Variants in PSMF1 observed in about 807,000 individuals in gnomAD.
The protein encoded by PSMF1 is proteasome inhibitor subunit 1.
A neutral mutation model predicts 29.3 loss-of-function variants in PSMF1; 30 were observed. The ratio of observed to expected loss-of-function variants is 1.02; its 90% confidence interval spans 0.77 to 1.39. The LOEUF (loss-of-function observed/expected upper bound fraction) is 1.39, where lower values mean the gene tolerates loss of function less well. Among genes scored for constraint, PSMF1 ranks in the 40% most tolerant of loss-of-function variants. The probability of loss-of-function intolerance (pLI) is 0.00; values close to 1 mark genes in which losing one functional copy is unlikely to be tolerated. For synonymous variants in PSMF1, 134 were observed against 139.7 expected, an observed-to-expected ratio of 0.96 and a Z score of 0.29; for missense variants, 344 against 357.5, an observed-to-expected ratio of 0.96 and a Z score of 0.31.
rs2086722304 is a variant in PSMF1 at position 1,165,791 on chromosome 20, G to A, written c.*711G>A. 9.7e-7 allele frequency: 1 copy of A among 1,028,968 alleles called. No homozygotes were observed. The highest frequency in any genetic ancestry group is 1.2e-6 in the Non-Finnish European group (1 of 855,638). The allele number at this position is 1,028,968 out of a possible 1,614,324, so 63.7% of individuals were successfully genotyped here. A position where few individuals can be genotyped will look rare whatever the true frequency, so the allele number is the denominator to read the frequency against. On this transcript the variant is annotated 3_prime_UTR_variant, in exon 7 of 7. Transcript: ENST00000335877. ...AGCTATTCCTGTCTGGGCCAGTTTT[G>A]TAGGTCCATCTGTGCATGGGCAGCA...
At chr20:1,160,273 C>G (rs1568482722) in intron 4 of PSMF1, among the ~76,000 whole-genome samples, 2 of 152,054 alleles carry the variant, frequency 1.3e-5, no homozygotes, top group Non-Finnish European at 2.9e-5. Context: ...GTACTTAACA[C>G]TAGAGCATGA....
intron 4 of PSMF1, among the ~76,000 whole-genome samples, chr20:1,153,249 C>T (rs2086553557): frequency 6.6e-6 from 1 of 152,158 alleles, no homozygotes; most frequent in Non-Finnish European, 1.5e-5. Context: ...CTTAAAACTG[C>T]ACCCACTTAT....
rs1390668938 is a variant in PSMF1 at position 1,165,603 on chromosome 20, C to T, written c.*523C>T. On this transcript the variant is annotated 3_prime_UTR_variant, in exon 7 of 7. Coordinates refer to ENST00000335877, the MANE Select transcript of PSMF1 (RefSeq NM_006814.5). ...CCATTCTTGCTTCTCAGGCACCTTC[C>T]GTTTATTAATTGCCATTGCTCCTGA... The T allele has an allele frequency of 1.7e-5, 17 of 994,590 alleles. No individual in the cohort carries two copies. Among genetic ancestry groups the T allele is most frequent in the Admixed American group, 5.6e-5 (1 of 18,014 alleles). 61.6% of individuals were successfully genotyped at this position (994,590 alleles called of 1,614,324 possible).
At chr20:1,148,090 G>A (rs2086478780) in intron 4 of PSMF1, among the ~76,000 whole-genome samples, 1 of 152,192 alleles carries the variant, frequency 6.6e-6, no homozygotes, top group Admixed American at 6.5e-5. Flanking sequence ...ACTAAAGTTG[G>A]AATTGTCTGC....
In PSMF1 at chr20:1,163,572, A is replaced by G. The variant is rs888787282; in HGVS notation, c.605+389A>G. On this transcript the variant is annotated intron_variant, in intron 5 of 6. Coordinates refer to ENST00000335877, the MANE Select transcript of PSMF1 (RefSeq NM_006814.5). This position sits in a 1 kb window ranked among gnomAD's most constrained non-coding sequence, Gnocchi z 6.1. ...ATTAGACTCTGGATGGTTCTTATGC[A>G]TCCAACAAAGTTACTACAGCCTCTG... 6.6e-6 allele frequency among the ~76,000 whole-genome samples: 1 copy of G among 152,242 alleles called. No individual in the cohort carries two copies. The highest frequency in any genetic ancestry group is 2.4e-5 in the African/African-American group (1 of 41,460).
In PSMF1 at chr20:1,135,117, G is replaced by A. The variant is rs879239566; in HGVS notation, c.366-4G>A. 4 of 1,614,014 alleles carry A rather than the reference G, an allele frequency of 2.5e-6. No homozygotes were observed. The highest frequency in any genetic ancestry group is 1.3e-5 in the African/African-American group (1 of 74,922). ...GCAGTTGACTCTTCATCTGCTTCCT[G>A]CAGGACCTACAAGAACAGTGAGGAG... is the stretch of plus-strand genomic sequence containing the variant. On this transcript the variant is annotated splice_region_variant and splice_polypyrimidine_tract_variant and intron_variant, in intron 3 of 6. Transcript: ENST00000335877.
chr20:1,121,957 T>C (rs2086093340), intron 1 of PSMF1, among the ~76,000 whole-genome samples: 1 of 152,232 alleles, frequency 6.6e-6, no homozygotes. Flanking sequence ...TTTTGTTTTC[T>C]GTTGTGGGAA....
intron 4 of PSMF1, among the ~76,000 whole-genome samples, chr20:1,149,765 G>T (rs557747190): frequency 6.6e-6 from 1 of 152,364 alleles, no homozygotes; most frequent in East Asian, 1.9e-4. Context: ...GCCAGGTGTG[G>T]TGGCCCACAC....
intron 4 of PSMF1, among the ~76,000 whole-genome samples, chr20:1,143,342 G>T (rs887511129): frequency 6.6e-6 from 1 of 152,212 alleles, no homozygotes; most frequent in Non-Finnish European, 1.5e-5. Flanking sequence ...ACAGAACTAA[G>T]ACCAGCCAAC....
rs2086765417 is a variant in PSMF1 at position 1,169,179 on chromosome 20, G to T, written c.*4099G>T. Among the ~76,000 whole-genome samples, 1 of 152,096 alleles carries T rather than the reference G, an allele frequency of 6.6e-6. No individual in the cohort carries two copies. Among genetic ancestry groups the T allele is most frequent in the South Asian group, 2.1e-4 (1 of 4,824 alleles). On this transcript the variant is annotated 3_prime_UTR_variant, in exon 7 of 7. Coordinates refer to ENST00000335877, the MANE Select transcript of PSMF1 (RefSeq NM_006814.5). ...TAATGCGTCACTGCATTAACCCCAG[G>T]ACACATGGACCAAGTCACTGCGGCC...
At chr20:1,146,350 A>G (rs1325636971) in intron 4 of PSMF1, among the ~76,000 whole-genome samples, 3 of 151,722 alleles carry the variant, frequency 2.0e-5, no homozygotes, top group African/African-American at 7.3e-5. Context: ...GGTTAGAGGC[A>G]TCAAGGTCTA....
Position 1,164,497 on chromosome 20 carries a change from G to A in PSMF1, c.764+21G>A, listed in dbSNP as rs1298293297. 13 of 1,612,882 alleles carry A rather than the reference G, an allele frequency of 8.1e-6. No individual in the cohort carries two copies. Among genetic ancestry groups the A allele is most frequent in the South Asian group, 2.2e-5 (2 of 91,048 alleles). On this transcript the variant is annotated intron_variant, in intron 6 of 6. Coordinates refer to ENST00000335877, the MANE Select transcript of PSMF1 (RefSeq NM_006814.5). This position sits in a 1 kb window ranked among gnomAD's most constrained non-coding sequence, Gnocchi z 4.1. ...CCCGGGTACGTAGTCACTCAGGTAT[G>A]CTGAGAAGTAGGACCTGATGGCAGC...
chr20:1,128,365 T>C (rs1252758574), intron 3 of PSMF1, among the ~76,000 whole-genome samples: 1 of 152,216 alleles, frequency 6.6e-6, no homozygotes, highest in African/African-American at 2.4e-5. Flanking sequence ...TATTCCATAC[T>C]TATATCTCCC....
At chr20:1,156,771 G>C (rs2086599776) in intron 4 of PSMF1, among the ~76,000 whole-genome samples, 1 of 152,162 alleles carries the variant, frequency 6.6e-6, no homozygotes, top group Admixed American at 6.5e-5. Context: ...TTAAAAGGAA[G>C]TTCCTCAGAC....
intron 3 of PSMF1, among the ~76,000 whole-genome samples, chr20:1,128,422 A>C (rs2086187679): frequency 6.6e-6 from 1 of 152,190 alleles, no homozygotes; most frequent in Admixed American, 6.5e-5. Context: ...CAATGTATTT[A>C]CTTATTTATT....
chr20:1,123,398 C>T (rs546953288), intron 1 of PSMF1, among the ~76,000 whole-genome samples: 1 of 152,294 alleles, frequency 6.6e-6, no homozygotes, highest in South Asian at 2.1e-4. Context: ...CTTCCCAGTC[C>T]ACCTGCCCCA....
At chr20:1,157,319 C>T (rs1055060091) in intron 4 of PSMF1, among the ~76,000 whole-genome samples, 6 of 152,192 alleles carry the variant, frequency 3.9e-5, no homozygotes, top group Non-Finnish European at 8.8e-5. Context: ...CAAGTTGGCA[C>T]TCAGTATTAA....
At position 1,127,937 on chromosome 20, in the gene PSMF1, A is replaced by G. The variant is rs756559688; in HGVS notation, c.365+429A>G. On this transcript the variant is annotated intron_variant, in intron 3 of 6. Transcript: ENST00000335877. The stretch of plus-strand genomic sequence containing the variant: ...CATTCCCATATTACCTCCTGCTCCC[A>G]TACACCCACAGTTTACAGCTTCCCT... Among the ~76,000 whole-genome samples, 3 of 152,344 alleles carry G rather than the reference A, an allele frequency of 2.0e-5. No homozygotes were observed. In the East Asian group the frequency reaches 5.8e-4, roughly 29 times the overall value.
intron 4 of PSMF1, among the ~76,000 whole-genome samples, chr20:1,142,859 A>G (rs919943125): frequency 1.3e-5 from 2 of 152,248 alleles, no homozygotes; most frequent in African/African-American, 4.8e-5. Flanking sequence ...GACTTCCACA[A>G]TGGTTGAACT....
Sources: gnomAD v4.1 joint callset for allele counts (sites outside exome capture counted in the v4.1 genomes callset) on GRCh38, gnomAD v4.1.1 for gene constraint, Gnocchi (gnomAD v3.1) non-coding constraint, MANE v1.5 for transcripts, NCBI Gene and HGNC (gene_info 2026-07-23, HGNC 2026-07-21) for gene names.